Variants in RAB27A observed in about 807,000 individuals in gnomAD.
RAB27A encodes ras-related protein Rab-27A.
Under a neutral mutation model 20.8 loss-of-function variants are expected in RAB27A, and 17 were observed. The observed-to-expected ratio is 0.82, with a 90% CI of 0.56 to 1.23. The LOEUF (loss-of-function observed/expected upper bound fraction) is 1.23, where lower values mean the gene tolerates loss of function less well. Among genes scored for constraint, RAB27A ranks in the 50% most tolerant of loss-of-function variants. RAB27A has a pLI of 0.00. For missense variants in RAB27A, 277 were observed against 266.7 expected (o/e 1.04, Z -0.27); for synonymous variants, 85 against 92.8 (o/e 0.92, Z 0.48).
chr15:55,238,993 T>C (rs1896376616), intron 2 of RAB27A, among the ~76,000 whole-genome samples: 2 of 152,206 alleles, frequency 1.3e-5, no homozygotes, highest in Admixed American at 6.5e-5. Context: ...ACCTGATATA[T>C]CTAACCAAAA....
intron 2 of RAB27A, among the ~76,000 whole-genome samples, chr15:55,295,119 T>C (rs1374695750): frequency 4.6e-5 from 7 of 151,496 alleles, no homozygotes; most frequent in Non-Finnish European, 1.0e-4. Flanking sequence ...ATTAAGAAAA[T>C]GTGAATCAAA....
At chr15:55,216,120 G>T (rs2037746556) in intron 6 of RAB27A, among the ~76,000 whole-genome samples, 1 of 152,084 alleles carries the variant, frequency 6.6e-6, no homozygotes, top group South Asian at 2.1e-4. Flanking sequence ...ATGATTAAAT[G>T]AGTTAATATT....
At chr15:55,242,006 C>G (rs1896512356) in intron 2 of RAB27A, among the ~76,000 whole-genome samples, 1 of 151,954 alleles carries the variant, frequency 6.6e-6, no homozygotes, top group Non-Finnish European at 1.5e-5. Flanking sequence ...TCTCTCTCTG[C>G]TACACACACA....
chr15:55,269,138 G>A (rs915471655), intron 2 of RAB27A, among the ~76,000 whole-genome samples: 7 of 152,166 alleles, frequency 4.6e-5, no homozygotes, highest in Non-Finnish European at 8.8e-5. Flanking sequence ...GAACTGTGAG[G>A]CAATAAATTT....
intron 2 of RAB27A, among the ~76,000 whole-genome samples, chr15:55,253,401 C>T (rs951831461): frequency 6.6e-6 from 1 of 151,562 alleles, no homozygotes; most frequent in Admixed American, 6.6e-5. Context: ...GAGCCAAGAT[C>T]GTGCCACCGC....
chr15:55,249,606 C>A (rs7171029), intron 2 of RAB27A, among the ~76,000 whole-genome samples: 1 of 151,928 alleles, frequency 6.6e-6, no homozygotes, highest in Non-Finnish European at 1.5e-5. Context: ...AAATGTTCCA[C>A]GATTATGTGA....
chr15:55,309,515 G>A (rs1356363850), intron 2 of RAB27A, among the ~76,000 whole-genome samples: 1 of 152,208 alleles, frequency 6.6e-6, no homozygotes, highest in Non-Finnish European at 1.5e-5. Context: ...TAAGTCTCGG[G>A]TTAATGCCTG....
chr15:55,223,900 T>C lies in RAB27A; in HGVS notation c.456A>G (p.Ala152=). Residue 152 remains alanine (A), a synonymous_variant, in exon 6 of 7, where the codon GCA becomes GCG. Coordinates refer to ENST00000336787, the MANE Select transcript of RAB27A (RefSeq NM_183235.3). ...VVKEEEAIAL[A]EKYGIPYFET... ...ACAAAAATACTCACCCATATTTCTC[T>C]GCGAGTGCTATGGCTTCCTCCTCTT... 1 of 1,613,792 alleles carries C rather than the reference T, an allele frequency of 6.2e-7. No homozygotes were observed. Among genetic ancestry groups the C allele is most frequent in the Non-Finnish European group, 8.5e-7 (1 of 1,179,884 alleles).
At chr15:55,319,072 G>C (rs2055099035) in exon 1 of RAB27A, 1 of 722,206 alleles carries the variant, frequency 1.4e-6, no homozygotes, top group African/African-American at 1.8e-5. Flanking sequence ...CCCTCGGTTC[G>C]GAAACGGCGA....
At chr15:55,206,343 G>GT (rs2140894188) in intron 6 of RAB27A, 1 of 755,384 alleles carries the variant, frequency 1.3e-6, no homozygotes, top group Non-Finnish European at 1.6e-6. Flanking sequence ...ATCTTTTTTC[G>GT]TTTAAGTTTT....
upstream of RAB27A, among the ~76,000 whole-genome samples, chr15:55,291,494 G>C (rs889445913): frequency 7.9e-6 from 1 of 126,660 alleles, no homozygotes; most frequent in South Asian, 2.8e-4. Flanking sequence ...CTGGGCGACC[G>C]AGCGAGACTC....
At chr15:55,302,468 G>A (rs542127489) in intron 2 of RAB27A, among the ~76,000 whole-genome samples, 101 of 152,242 alleles carry the variant, frequency 6.6e-4, no homozygotes, top group African/African-American at 2.3e-3. Context: ...CCAAAGTGCC[G>A]AGATGGCAGC....
At chr15:55,305,573 G>A (rs74015563) in intron 2 of RAB27A, among the ~76,000 whole-genome samples, 4,910 of 152,260 alleles carry the variant, frequency 0.032, 107 homozygotes, top group East Asian at 0.073. Context: ...ATTGGCTGAG[G>A]AGGCCCCAAG....
At chr15:55,250,691 G>A (rs1177413420) in intron 2 of RAB27A, among the ~76,000 whole-genome samples, 1 of 152,174 alleles carries the variant, frequency 6.6e-6, no homozygotes, top group African/African-American at 2.4e-5. Context: ...GAAGTTTGTT[G>A]TCTGACTTCT....
chr15:55,254,484 T>C (rs903332827), intron 2 of RAB27A, among the ~76,000 whole-genome samples: 1 of 152,172 alleles, frequency 6.6e-6, no homozygotes, highest in African/African-American at 2.4e-5. Context: ...TTATTTTGTA[T>C]AAAAATTATA....
At chr15:55,242,414 T>G (rs1429227215) in intron 2 of RAB27A, among the ~76,000 whole-genome samples, 1 of 152,040 alleles carries the variant, frequency 6.6e-6, no homozygotes, top group Non-Finnish European at 1.5e-5. Context: ...AGCCTTATTC[T>G]TTAAACTGTA....
rs1479108558 is a variant in RAB27A at position 55,316,091 on chromosome 15, G to T, written c.-233-1931C>A. ...TACTAAAAATACAAACATTAGCTAG[G>T]TGTGGTGGTGCACACATGTAGTCCC... On this transcript the variant is annotated intron_variant, in intron 1 of 5. Coordinates refer to the RAB27A transcript ENST00000563262. Among the ~76,000 whole-genome samples, 5 of 152,210 alleles carry T rather than the reference G, an allele frequency of 3.3e-5. No individual in the cohort carries two copies. The East Asian group carries it at 9.7e-4, about 29-fold the overall frequency.
At chr15:55,236,375 T>C (rs1896258163) in intron 2 of RAB27A, among the ~76,000 whole-genome samples, 1 of 152,154 alleles carries the variant, frequency 6.6e-6, no homozygotes. Context: ...CAGACTTCTC[T>C]AGAGTATCAC....
intron 2 of RAB27A, among the ~76,000 whole-genome samples, chr15:55,261,607 G>A (rs1325250119): frequency 6.7e-6 from 1 of 149,322 alleles, no homozygotes; most frequent in African/African-American, 2.5e-5. Flanking sequence ...TAGGCTTGGG[G>A]GCGTGTGCCC....
Sources: allele counts gnomAD v4.1 joint callset (sites outside exome capture counted in the v4.1 genomes callset), GRCh38; gene constraint gnomAD v4.1.1; transcripts MANE v1.5; gene names NCBI Gene and HGNC (gene_info 2026-07-23, HGNC 2026-07-21).